LGI2: variants seen among roughly 807,000 people sequenced by gnomAD.
LGI2 encodes leucine rich repeat LGI family member 2, also known as leucine-rich repeat LGI family member 2.
LGI2 carries 30 observed loss-of-function variants against 52.0 expected under a neutral mutation model. The observed-to-expected ratio is 0.58, with a 90% CI of 0.43 to 0.78. The LOEUF (loss-of-function observed/expected upper bound fraction) is 0.78, where lower values mean the gene tolerates loss of function less well. Ranked by LOEUF, LGI2 falls within the 30% of genes least tolerant of loss-of-function variation. The pLI, the probability that LGI2 is intolerant of heterozygous loss-of-function variation, is 0.00. For missense variants in LGI2, 573 were observed against 692.5 expected, an observed-to-expected ratio of 0.83 and a Z score of 1.94; for synonymous variants, 270 against 271.8, an observed-to-expected ratio of 0.99 and a Z score of 0.06.
At chr4:25,012,262 G>C in intron 7 of LGI2, 73 bp downstream of exon 7, 2 of 1,536,454 alleles carry the variant, frequency 1.3e-6, no homozygotes, top group Non-Finnish European at 1.8e-6. Context: ...CAATACAGAG[G>C]ACATTCCTCC....
chr4:25,003,550 G>T lies in LGI2; in HGVS notation c.1539C>A (p.Phe513Leu). Residue 513 changes from phenylalanine (F) to leucine (L), a missense_variant, in exon 8 of 8, where the codon TTC becomes TTA. Physicochemically the swap from Phe to Leu is conservative, Grantham distance 22. Transcript: ENST00000382114. The part of the protein sequence containing the change: ...KEIYVQAPRS[F>L]TAVSTDRRDF... The stretch of plus-strand genomic sequence containing the variant: ...CTCTCCTGTCGGTGGAGACAGCTGT[G>T]AATGAACGAGGCGCCTGCACGTAAA... 6.2e-7 allele frequency: 1 copy of T among 1,614,100 alleles called. No homozygotes were observed. Among genetic ancestry groups the T allele is most frequent in the Non-Finnish European group, 8.5e-7 (1 of 1,179,992 alleles).
At chr4:25,011,172 A>C (rs1725571764) in intron 7 of LGI2, among the ~76,000 whole-genome samples, 1 of 152,096 alleles carries the variant, frequency 6.6e-6, no homozygotes, top group African/African-American at 2.4e-5. Context: ...GAGAAAAGGC[A>C]GAGAGACCAG....
chr4:25,023,478 A>T (rs1726041838), intron 4 of LGI2, among the ~76,000 whole-genome samples: 1 of 152,238 alleles, frequency 6.6e-6, no homozygotes. Flanking sequence ...CTTACCCGAT[A>T]GGCTTTAACT....
At chr4:25,017,475 G>T (rs1449947412) in intron 6 of LGI2, among the ~76,000 whole-genome samples, 1 of 147,352 alleles carries the variant, frequency 6.8e-6, no homozygotes, top group Admixed American at 6.8e-5. Flanking sequence ...CCAGGAGGTG[G>T]AGATTGCAGT....
rs772957621 is a variant in LGI2, at chr4:25,012,454, T to C, written c.701A>G (p.Asp234Gly). Residue 234 changes from aspartate to glycine, a missense_variant, in exon 7 of 8, where the codon GAT (aspartate) becomes GGT (glycine). Physicochemically the swap from Asp to Gly is moderately conservative, Grantham distance 94. Transcript: ENST00000382114. ...CACATCGTTCTTGGAGTTGAACGTA[T>C]CCACTGAAACCGACTGGTAGGGTAA... ...QTLPYQSVSV[D>G]TFNSKNDVYV... 1 of 1,614,094 alleles carries C rather than the reference T, an allele frequency of 6.2e-7. No homozygotes were observed. The highest frequency in any genetic ancestry group is 1.3e-5 in the African/African-American group (1 of 74,930).
downstream of LGI2, among the ~76,000 whole-genome samples, chr4:24,997,598 C>A (rs1328149665): frequency 6.6e-6 from 1 of 152,186 alleles, no homozygotes; most frequent in Non-Finnish European, 1.5e-5. Context: ...CACTCATATT[C>A]CACTGGAATG....
intron 3 of LGI2, 88 bp downstream of exon 3, chr4:25,026,780 G>T: frequency 2.9e-6 from 3 of 1,019,418 alleles, no homozygotes; most frequent in Non-Finnish European, 3.1e-6. Context: ...CTAAACCCTT[G>T]CAGAGATGCT....
chr4:25,023,311 A>T (rs1482431491), intron 4 of LGI2, among the ~76,000 whole-genome samples: 1 of 152,206 alleles, frequency 6.6e-6, no homozygotes, highest in African/African-American at 2.4e-5. Context: ...CCAAGCCCAC[A>T]ATTGTAGTCT....
intron 4 of LGI2, among the ~76,000 whole-genome samples, chr4:25,022,693 ATGCACCCGAGGACACTTTG>A (rs200355830): frequency 6.6e-6 from 1 of 152,202 alleles, no homozygotes; most frequent in East Asian, 1.9e-4. Flanking sequence ...ATATAAGTCC[ATGCACCCGAGGACACTTTG>A]TACACCTGCA....
intron 6 of LGI2, among the ~76,000 whole-genome samples, chr4:25,013,125 C>A (rs571335013): frequency 6.6e-6 from 1 of 152,326 alleles, no homozygotes; most frequent in East Asian, 1.9e-4. Context: ...AAACCCTCTG[C>A]TATGGTCTTA....
Position 25,030,749 on chromosome 4 carries a change from G to C in LGI2, c.-56C>G, listed in dbSNP as rs1726318773. 2 of 1,027,984 alleles carry C rather than the reference G, an allele frequency of 1.9e-6. No individual in the cohort carries two copies. Among genetic ancestry groups the C allele is most frequent in the East Asian group, 6.4e-5 (1 of 15,732 alleles). The allele number at this position is 1,027,984 out of a possible 1,614,324, so 63.7% of individuals were successfully genotyped here. ...ACCCCCACCGCCGCGCCGCGCGCTC[G>C]GACCCGGCGCCGCTGCAGACGCGGG... On this transcript the variant is annotated 5_prime_UTR_variant, in exon 1 of 8. Coordinates refer to ENST00000382114, the MANE Select transcript of LGI2 (RefSeq NM_018176.4).
intron 2 of LGI2, 30 bp from the exon 3 acceptor site, chr4:25,026,969 A>C: frequency 6.4e-7 from 1 of 1,555,742 alleles, no homozygotes; most frequent in Non-Finnish European, 8.9e-7. Flanking sequence ...TCCAATGGAG[A>C]GATGTAAAAC....
At chr4:25,009,038 C>T (rs1725484536) in intron 7 of LGI2, among the ~76,000 whole-genome samples, 1 of 152,198 alleles carries the variant, frequency 6.6e-6, no homozygotes, top group African/African-American at 2.4e-5. Context: ...CCTTTGTGCT[C>T]TCACTCTAAA....
chr4:25,024,520 A>G (rs10031117), intron 4 of LGI2, among the ~76,000 whole-genome samples: 3,741 of 152,294 alleles, frequency 0.025, 153 homozygotes, highest in African/African-American at 0.086. Flanking sequence ...TCTCAAAAAA[A>G]AAAATTTCTT....
rs761470644 is a variant in LGI2 at position 24,998,858 on chromosome 4, C to G, written c.*4593G>C. ...AGATCAAAACCATATTAGGCATGAA[C>G]CACTTTTTATTCATAGGCTTACCGA... On this transcript the variant is annotated 3_prime_UTR_variant, in exon 8 of 8. Coordinates refer to ENST00000382114, the MANE Select transcript of LGI2 (RefSeq NM_018176.4). 6.6e-6 allele frequency: 1 copy of G among 152,108 alleles called. No individual in the cohort carries two copies. The highest frequency in any genetic ancestry group is 1.5e-5 in the Non-Finnish European group (1 of 68,022). The allele number at this position is 152,108 out of a possible 1,614,324, so 9.4% of individuals were successfully genotyped here.
intron 5 of LGI2, 126 bp from the exon 6 acceptor site, chr4:25,018,284 GT>G (rs1233213992): frequency 4.6e-6 from 3 of 645,634 alleles, no homozygotes; most frequent in Non-Finnish European, 7.5e-6. Flanking sequence ...TAAAAATGGA[GT>G]TTAAAAACTT....
intron 7 of LGI2, among the ~76,000 whole-genome samples, chr4:25,007,784 T>G (rs1168401622): frequency 6.6e-6 from 1 of 152,196 alleles, no homozygotes; most frequent in Non-Finnish European, 1.5e-5. Context: ...TCTCCCCTGG[T>G]GCACATGGAC....
chr4:25,010,109 G>A (rs1278942202), intron 7 of LGI2, among the ~76,000 whole-genome samples: 3 of 151,888 alleles, frequency 2.0e-5, no homozygotes, highest in African/African-American at 4.8e-5. Flanking sequence ...GTGAAACCCC[G>A]TCTCTACTAA....
At chr4:25,012,719 A>C (rs527250501) in intron 6 of LGI2, among the ~76,000 whole-genome samples, 1 of 152,374 alleles carries the variant, frequency 6.6e-6, no homozygotes, top group Non-Finnish European at 1.5e-5. Context: ...CACAGTTTCT[A>C]GTACAGCTTC....
Sources: allele counts gnomAD v4.1 joint callset (sites outside exome capture counted in the v4.1 genomes callset), GRCh38; gene constraint gnomAD v4.1.1; transcripts MANE v1.5; gene names NCBI Gene and HGNC (gene_info 2026-07-23, HGNC 2026-07-21).